The following RNF214 variants were observed in gnomAD, a reference collection of about 807,000 sequenced individuals.
RNF214 encodes the protein ring finger protein 214.
In RNF214, 25 loss-of-function variants were observed where a neutral mutation model predicts 75.9. That is an observed-to-expected ratio of 0.33 (90% CI 0.24 to 0.46). The LOEUF is 0.46. Among genes scored for constraint, RNF214 ranks in the 20% least tolerant of loss-of-function variants. RNF214 has a pLI of 1.00. For synonymous variants in RNF214, 314 were observed against 308.8 expected, an observed-to-expected ratio of 1.02 and a Z score of -0.18; for missense variants, 725 against 857.5, an observed-to-expected ratio of 0.85 and a Z score of 1.93.
intron 6 of RNF214, among the ~76,000 whole-genome samples, chr11:117,250,966 G>T (rs1333026692): frequency 6.9e-6 from 1 of 145,700 alleles, no homozygotes; most frequent in South Asian, 2.2e-4. Context: ...CAAGGCAGAA[G>T]AATTTTTCTT....
intron 6 of RNF214, among the ~76,000 whole-genome samples, chr11:117,264,722 C>T (rs2033755779): frequency 6.6e-6 from 1 of 151,974 alleles, no homozygotes; most frequent in Admixed American, 6.6e-5. Flanking sequence ...ATATGTTTTT[C>T]AATCCTTTCC....
At chr11:117,269,897 A>G (rs1460024463) in intron 6 of RNF214, among the ~76,000 whole-genome samples, 1 of 152,182 alleles carries the variant, frequency 6.6e-6, no homozygotes, top group Non-Finnish European at 1.5e-5. Context: ...CAACTTACCC[A>G]ATCAATTTAC....
intron 6 of RNF214, among the ~76,000 whole-genome samples, chr11:117,277,041 C>A (rs1445144330): frequency 1.3e-5 from 2 of 152,160 alleles, no homozygotes; most frequent in African/African-American, 4.8e-5. Flanking sequence ...CCTATAAAAT[C>A]TTTGTCTAAA....
chr11:117,246,371 G>GTA (rs1404894297), intron 5 of RNF214, among the ~76,000 whole-genome samples: 1 of 151,608 alleles, frequency 6.6e-6, no homozygotes, highest in African/African-American at 2.4e-5. Context: ...TTGTTAAAGA[G>GTA]TAAAACAAAC....
intron 6 of RNF214, among the ~76,000 whole-genome samples, chr11:117,270,573 C>CT (rs1173283929): frequency 6.6e-6 from 1 of 151,406 alleles, no homozygotes; most frequent in African/African-American, 2.4e-5. Flanking sequence ...CCCACCCCCC[C>CT]GGTAGCTGGG....
intron 8 of RNF214, among the ~76,000 whole-genome samples, chr11:117,280,908 G>T (rs1286392185): frequency 2.0e-5 from 3 of 150,614 alleles, no homozygotes; most frequent in African/African-American, 7.3e-5. Context: ...TCCTGCACCT[G>T]CTCCCACCTC....
chr11:117,252,163 C>T (rs1255310529), intron 6 of RNF214, among the ~76,000 whole-genome samples: 2 of 152,230 alleles, frequency 1.3e-5, no homozygotes, highest in Non-Finnish European at 2.9e-5. Context: ...GCCATCCTGC[C>T]TGGCCTATGA....
At chr11:117,232,966 G>C (rs372188802) in intron 1 of RNF214, among the ~76,000 whole-genome samples, 173 of 151,794 alleles carry the variant, frequency 1.1e-3, no homozygotes, top group African/African-American at 4.0e-3. Context: ...CGAGCCAGCG[G>C]CCAGCCTAGC....
Position 117,239,083 on chromosome 11 carries a change from T to C in RNF214, c.590T>C (p.Leu197Pro). The change falls in exon 3 of 15, where the codon CTG becomes CCG. Residue 197 changes from leucine to proline, a missense_variant. Transcript: ENST00000300650. ...DQDDDQDSSS[L>P]KLSQNIAVQT... ...GATGATGATCAAGATAGCTCTTCCC[T>C]GAAGCTTTCTCAGAACATTGCTGTA... 1 of 1,613,120 alleles carries C rather than the reference T, an allele frequency of 6.2e-7. No homozygotes were observed. Among genetic ancestry groups the C allele is most frequent in the Non-Finnish European group, 8.5e-7 (1 of 1,179,640 alleles).
chr11:117,251,460 G>T lies in RNF214; in HGVS notation c.959+4512G>T, dbSNP rs370154103. On this transcript the variant is annotated intron_variant, in intron 6 of 14. Transcript: ENST00000300650. Reference sequence around the variant, plus strand: ...CCCCCACCTCCCTCCCGGACGGGGCGGCTGGCCGGGCGGGGGGCTGACCCC... The same window carrying T: ...CCCCCACCTCCCTCCCGGACGGGGCTGCTGGCCGGGCGGGGGGCTGACCCC... Among the ~76,000 whole-genome samples the T allele has an allele frequency of 1.1e-3, 133 of 126,108 alleles. 1 individual carries two copies. In the East Asian group the frequency reaches 0.03, roughly 29 times the overall value. The allele number at this position is 126,108 out of a possible 152,430, so 82.7% of individuals were successfully genotyped here. A position where few individuals can be genotyped will look rare whatever the true frequency, so the allele number is the denominator to read the frequency against.
rs992090449 is a variant in RNF214 at position 117,238,509 on chromosome 11, A to G, written c.108-92A>G. On this transcript the variant is annotated intron_variant, in intron 2 of 14. Coordinates refer to ENST00000300650, the MANE Select transcript of RNF214 (RefSeq NM_207343.4). ...TGAAACTAAGTTCTTTCATTATGATAGTCGGGAGGGTTTACGTAGTCTAGT... is the reference window on the plus strand; with the variant it reads ...TGAAACTAAGTTCTTTCATTATGATGGTCGGGAGGGTTTACGTAGTCTAGT... 1.1e-5 allele frequency: 12 copies of G among 1,057,314 alleles called. No individual in the cohort carries two copies. In the African/African-American group the frequency reaches 1.6e-4, roughly 14 times the overall value. 65.5% of individuals were successfully genotyped at this position (1,057,314 alleles called of 1,614,324 possible). A position where few individuals can be genotyped will look rare whatever the true frequency, so the allele number is the denominator to read the frequency against.
intron 6 of RNF214, among the ~76,000 whole-genome samples, chr11:117,252,071 G>A (rs550035865): frequency 1.6e-4 from 24 of 152,232 alleles, no homozygotes; most frequent in Non-Finnish European, 2.5e-4. Flanking sequence ...GTTTCACCAT[G>A]TTGGCCAGGC....
chr11:117,271,924 C>T (rs940080040), intron 6 of RNF214, among the ~76,000 whole-genome samples: 2 of 152,120 alleles, frequency 1.3e-5, no homozygotes, highest in African/African-American at 4.8e-5. Flanking sequence ...GCAGTCCTCC[C>T]ACCTCAGCCT....
At chr11:117,263,008 T>C (rs964730913) in intron 6 of RNF214, among the ~76,000 whole-genome samples, 6 of 152,044 alleles carry the variant, frequency 3.9e-5, no homozygotes, top group African/African-American at 1.4e-4. Context: ...AGTTTCACCA[T>C]GTGGCCCAGG....
intron 6 of RNF214, among the ~76,000 whole-genome samples, chr11:117,278,012 A>T (rs905021400): frequency 6.6e-6 from 1 of 151,170 alleles, no homozygotes; most frequent in African/African-American, 2.4e-5. Context: ...TTCTCTTAAG[A>T]TGTAACTCTT....
At chr11:117,280,070 C>A in intron 7 of RNF214, 66 bp downstream of exon 7, 1 of 1,503,184 alleles carries the variant, frequency 6.7e-7, no homozygotes, top group Non-Finnish European at 9.2e-7. Context: ...CTACTTTTGG[C>A]ATTGTAATAG....
intron 4 of RNF214, among the ~76,000 whole-genome samples, chr11:117,240,308 C>G (rs937940134): frequency 6.2e-5 from 9 of 144,820 alleles, no homozygotes; most frequent in Non-Finnish European, 1.3e-4. Flanking sequence ...CCAAGGAGGT[C>G]GAGGCTGTGT....
Position 117,273,360 on chromosome 11 carries a change from T to TTTATTA in RNF214, c.960-6533_960-6528dup, listed in dbSNP as rs57646164. On this transcript the variant is annotated intron_variant, in intron 6 of 14. Coordinates refer to ENST00000300650, the MANE Select transcript of RNF214 (RefSeq NM_207343.4). ...ATTTTGCTTTTATTTTCAAATTTGT[T>TTTATTA]TTATTATTATTATTATTATTTTAGT... 8.5e-4 allele frequency among the ~76,000 whole-genome samples: 128 copies of TTTATTA among 150,956 alleles called. 1 individual carries two copies. The highest frequency in any genetic ancestry group is 4.0e-3 in the Admixed American group (60 of 15,122).
intron 6 of RNF214, among the ~76,000 whole-genome samples, chr11:117,263,214 T>C (rs1243317873): frequency 6.6e-6 from 1 of 151,904 alleles, no homozygotes; most frequent in African/African-American, 2.4e-5. Context: ...GAGGGAAAAA[T>C]GGTTTCCCTA....
Sources: allele counts gnomAD v4.1 joint callset (sites outside exome capture counted in the v4.1 genomes callset), GRCh38; gene constraint gnomAD v4.1.1; transcripts MANE v1.5; gene names NCBI Gene and HGNC (gene_info 2026-07-23, HGNC 2026-07-21).